ITSN2: variants seen among roughly 807,000 people sequenced by gnomAD.
ITSN2 encodes the protein intersectin 2, also known as intersectin-2.
ITSN2 carries 156 observed loss-of-function variants against 243.7 expected under a neutral mutation model. The ratio of observed to expected loss-of-function variants is 0.64; its 90% CI spans 0.56 to 0.73. ITSN2 has a LOEUF of 0.73. Ranked by LOEUF, ITSN2 falls within the 30% of genes least tolerant of loss-of-function variation. ITSN2 has a pLI of 0.00. For missense variants in ITSN2, 1,801 were observed against 1,996.1 expected, an observed-to-expected ratio of 0.90 and a Z score of 1.86; for synonymous variants, 703 against 699.9, an observed-to-expected ratio of 1.00 and a Z score of -0.07.
At chr2:24,360,709 C>G (rs1015281893), upstream of ITSN2, 1 of 152,610 alleles carries the variant, frequency 6.6e-6, no homozygotes, top group Non-Finnish European at 1.5e-5. Context: ...CGGTCGGGTC[C>G]GAAGCGCTCC....
intron 29 of ITSN2, among the ~76,000 whole-genome samples, chr2:24,232,389 T>C (rs1671714180): frequency 6.6e-6 from 1 of 152,186 alleles, no homozygotes; most frequent in Non-Finnish European, 1.5e-5. Flanking sequence ...CTGTAAAAGG[T>C]CATAAGCCTA....
At chr2:24,223,558 GC>G (rs1251704262) in intron 29 of ITSN2, among the ~76,000 whole-genome samples, 1 of 151,634 alleles carries the variant, frequency 6.6e-6, no homozygotes, top group Non-Finnish European at 1.5e-5. Context: ...GGTGGCATGT[GC>G]CTGTAGTCCC....
At chr2:24,324,845 C>T (rs1684976863) in intron 2 of ITSN2, among the ~76,000 whole-genome samples, 1 of 85,112 alleles carries the variant, frequency 1.2e-5, no homozygotes, top group East Asian at 3.4e-4. Context: ...CAGAGTAAGA[C>T]CCTGTCTCAA....
chr2:24,287,669 G>A (rs1293144226), intron 15 of ITSN2, among the ~76,000 whole-genome samples: 1 of 151,880 alleles, frequency 6.6e-6, no homozygotes, highest in Non-Finnish European at 1.5e-5. Flanking sequence ...GTGTACATGG[G>A]TTCCCTTGTT....
chr2:24,352,587 A>T (rs1688120641), intron 1 of ITSN2, among the ~76,000 whole-genome samples: 1 of 152,236 alleles, frequency 6.6e-6, no homozygotes, highest in Admixed American at 6.5e-5. Flanking sequence ...TCTGCAATTT[A>T]GCAACCTCAG....
chr2:24,224,812 T>C (rs1052252481), intron 29 of ITSN2, among the ~76,000 whole-genome samples: 21 of 152,218 alleles, frequency 1.4e-4, no homozygotes, highest in African/African-American at 5.1e-4. Context: ...GTATCTTTAG[T>C]AGAGACGGGG....
chr2:24,300,546 C>G (rs1182845647), intron 11 of ITSN2, among the ~76,000 whole-genome samples: 1 of 152,024 alleles, frequency 6.6e-6, no homozygotes, highest in Non-Finnish European at 1.5e-5. Context: ...GGTGAAACCC[C>G]ATCTCTACTA....
At chr2:24,319,493 C>T (rs1002921112) in intron 2 of ITSN2, among the ~76,000 whole-genome samples, 3 of 152,152 alleles carry the variant, frequency 2.0e-5, no homozygotes, top group Non-Finnish European at 4.4e-5. Context: ...TCAGGAATGA[C>T]CCCAGAAAAT....
chr2:24,223,233 C>T (rs974096673), intron 29 of ITSN2, among the ~76,000 whole-genome samples: 1 of 152,178 alleles, frequency 6.6e-6, no homozygotes, highest in Non-Finnish European at 1.5e-5. Context: ...TTTCCAATTT[C>T]CTTTGCATTT....
intron 1 of ITSN2, among the ~76,000 whole-genome samples, chr2:24,344,154 A>G (rs951736114): frequency 1.3e-5 from 2 of 152,224 alleles, no homozygotes; most frequent in Admixed American, 6.5e-5. Flanking sequence ...ATATCCTTTT[A>G]AATAGGTGTA....
chr2:24,356,899 G>A (rs1273280414), intron 1 of ITSN2, among the ~76,000 whole-genome samples: 16 of 140,892 alleles, frequency 1.1e-4, no homozygotes, highest in Non-Finnish European at 2.1e-4. Context: ...GTGAGACTCC[G>A]TCTCAAAAAA....
At chr2:24,277,549 A>G (rs911653238) in intron 17 of ITSN2, among the ~76,000 whole-genome samples, 4 of 152,312 alleles carry the variant, frequency 2.6e-5, no homozygotes, top group African/African-American at 7.2e-5. Flanking sequence ...TCTAAATTCT[A>G]TTGAAAAGCA....
At chr2:24,335,012 G>A (rs891314643) in intron 1 of ITSN2, 14 of 244,056 alleles carry the variant, frequency 5.7e-5, no homozygotes, top group African/African-American at 1.3e-4. Flanking sequence ...GCAGTGAGCC[G>A]AGATCGCGCC....
intron 30 of ITSN2, among the ~76,000 whole-genome samples, chr2:24,219,354 C>T (rs145001671): frequency 2.6e-4 from 40 of 152,316 alleles, no homozygotes; most frequent in East Asian, 1.5e-3. Flanking sequence ...AGTACAAGTG[C>T]TGGGCACTCT....
At chr2:24,318,580 G>C (rs186941464) in intron 2 of ITSN2, among the ~76,000 whole-genome samples, 113 of 152,292 alleles carry the variant, frequency 7.4e-4, no homozygotes, top group Admixed American at 6.1e-3. Context: ...GCTGTCTCCA[G>C]AAAGGATTCA....
At chr2:24,304,366 C>A (rs1473410036) in intron 8 of ITSN2, among the ~76,000 whole-genome samples, 1 of 152,192 alleles carries the variant, frequency 6.6e-6, no homozygotes, top group Non-Finnish European at 1.5e-5. Context: ...CAAAAGCCAG[C>A]CAAATGCAGC....
intron 8 of ITSN2, among the ~76,000 whole-genome samples, chr2:24,307,407 T>C (rs958974901): frequency 3.3e-5 from 5 of 150,888 alleles, no homozygotes; most frequent in African/African-American, 1.2e-4. Context: ...TTTGATAAAA[T>C]TACAGAAAAT....
chr2:24,269,746 T>A (rs1419625763), intron 20 of ITSN2, among the ~76,000 whole-genome samples: 1 of 152,108 alleles, frequency 6.6e-6, no homozygotes, highest in Non-Finnish European at 1.5e-5. Context: ...TTGAAATAAA[T>A]AAAAAATATA....
At position 24,313,470 on chromosome 2, in the gene ITSN2, C is replaced by T; in HGVS notation, c.178G>A (p.Ala60Thr). The change falls in exon 4 of 40, where the codon GCT (alanine) becomes ACT (threonine). Residue 60 changes from alanine to threonine, a missense_variant. Transcript: ENST00000355123. ...TACAAAACACTTTACCATATTTCAGCTAAAACAGGGGCCGGCAGACCTGAT... is the reference window on the plus strand; with the variant it reads ...TACAAAACACTTTACCATATTTCAGTTAAAACAGGGGCCGGCAGACCTGAT... ...LQSGLPAPVL[A>T]EIWALSDLNK... 1 of 1,612,956 alleles carries T rather than the reference C, an allele frequency of 6.2e-7. No individual in the cohort carries two copies. The highest frequency in any genetic ancestry group is 8.5e-7 in the Non-Finnish European group (1 of 1,179,442).
Sources: allele counts gnomAD v4.1 joint callset (sites outside exome capture counted in the v4.1 genomes callset), GRCh38; gene constraint gnomAD v4.1.1; transcripts MANE v1.5; gene names NCBI Gene and HGNC (gene_info 2026-07-23, HGNC 2026-07-21).